The following NCOR2 variants were observed in gnomAD, a reference collection of about 807,000 sequenced individuals.
The protein encoded by NCOR2 is nuclear receptor corepressor 2.
Under a neutral mutation model 262.9 loss-of-function variants are expected in NCOR2, and 81 were observed. The ratio of observed to expected loss-of-function variants is 0.31; its 90% CI spans 0.26 to 0.37. The LOEUF (loss-of-function observed/expected upper bound fraction) is 0.37, where lower values mean the gene tolerates loss of function less well. NCOR2 is among the 10% of genes least tolerant of loss of function. The pLI is 1.00. For synonymous variants in NCOR2, 1,659 were observed against 1,559.3 expected, an observed-to-expected ratio of 1.06 and a Z score of -1.51; for missense variants, 3,385 against 3,621.4, an observed-to-expected ratio of 0.93 and a Z score of 1.68.
chr12:124,356,565 C>T (rs774960529), intron 23 of NCOR2, 77 bp downstream of exon 25: 68 of 1,256,688 alleles, frequency 5.4e-5, no homozygotes, highest in African/African-American at 7.7e-5. Flanking sequence ...CTGTGTGCAG[C>T]TCTGAGCCAG....
chr12:124,348,635 G>T (rs1468808888), intron 28 of NCOR2: 1 of 410,476 alleles, frequency 2.4e-6, no homozygotes, highest in African/African-American at 2.1e-5. Context: ...ACGTGAGTCT[G>T]TGTCCACACC....
At chr12:124,535,211 G>A (rs549157280) in intron 1 of NCOR2, among the ~76,000 whole-genome samples, 11 of 152,278 alleles carry the variant, frequency 7.2e-5, no homozygotes, top group African/African-American at 2.4e-4. Context: ...CCAAACCTGC[G>A]GGCCCACCGC....
At chr12:124,513,263 AG>A (rs1356824466) in intron 1 of NCOR2, 3 of 152,254 alleles carry the variant, frequency 2.0e-5, no homozygotes, top group African/African-American at 7.2e-5. Context: ...ACGACTCCGG[AG>A]GAAGAGGGCA....
At chr12:124,526,601 T>C (rs1040608670) in intron 1 of NCOR2, among the ~76,000 whole-genome samples, 60 of 152,244 alleles carry the variant, frequency 3.9e-4, no homozygotes, top group Middle Eastern at 3.4e-3. Context: ...GCCCAGCACA[T>C]GCTCAGGTCC....
chr12:124,333,116 G>A lies in NCOR2; in HGVS notation c.6755+14C>T, dbSNP rs776138965. The A allele has an allele frequency of 1.9e-6, 3 of 1,592,530 alleles. No homozygotes were observed. The highest frequency in any genetic ancestry group is 1.3e-5 in the African/African-American group (1 of 74,508). On this transcript the variant is annotated intron_variant, in intron 42 of 46. Coordinates refer to ENST00000405201, the Ensembl canonical transcript of NCOR2. Reference sequence around the variant, plus strand: ...AGAGCATCCCGGGGGCAGCGCATGTGCCCACAGAAGTACCTGGGCTCCGTC... The same window carrying A: ...AGAGCATCCCGGGGGCAGCGCATGTACCCACAGAAGTACCTGGGCTCCGTC...
chr12:124,454,717 TTTTC>T lies in NCOR2; in HGVS notation c.762+2385_762+2388del, dbSNP rs1296793649. Reference sequence around the variant, plus strand: ...TGGAGATGTAAAATGGTACGGCCACTTTTCGGCCACTTTGGAAAACAGTTGGGCA... The same window carrying T: ...TGGAGATGTAAAATGGTACGGCCACTGGCCACTTTGGAAAACAGTTGGGCA... On this transcript the variant is annotated intron_variant, in intron 6 of 46. Transcript: ENST00000405201. This position sits in a 1 kb window ranked among gnomAD's most constrained non-coding sequence, Gnocchi z 5.6. Among the ~76,000 whole-genome samples the T allele has an allele frequency of 0.011, 10 of 924 alleles. No homozygotes were observed. The highest frequency in any genetic ancestry group is 0.013 in the African/African-American group (7 of 520). The allele number at this position is 924 out of a possible 152,430, so 0.6% of individuals were successfully genotyped here.
At chr12:124,492,544 G>A (rs1318177764) in intron 1 of NCOR2, among the ~76,000 whole-genome samples, 3 of 152,144 alleles carry the variant, frequency 2.0e-5, no homozygotes, top group Non-Finnish European at 1.5e-5. Flanking sequence ...AGGTCACTGA[G>A]GCATCCCGTG....
In NCOR2 at chr12:124,503,768, A is replaced by G. The variant is rs1449773821; in HGVS notation, c.-117-8400T>C. On this transcript the variant is annotated intron_variant, in intron 1 of 46. Coordinates refer to the NCOR2 transcript ENST00000404621. This position sits in a 1 kb window ranked among gnomAD's most constrained non-coding sequence, Gnocchi z 4.3. Reference sequence around the variant, plus strand: ...GATGCATGGATGCATGGATGGATGGATGGATGGATGGGCGGATGGATGCAC... The same window carrying G: ...GATGCATGGATGCATGGATGGATGGGTGGATGGATGGGCGGATGGATGCAC... Among the ~76,000 whole-genome samples the G allele has an allele frequency of 6.6e-6, 1 of 152,092 alleles. No homozygotes were observed. The highest frequency in any genetic ancestry group is 1.5e-5 in the Non-Finnish European group (1 of 68,012).
At chr12:124,328,646 G>GC (rs1435461198) in intron 44 of NCOR2, 1 of 153,544 alleles carries the variant, frequency 6.5e-6, no homozygotes, top group Non-Finnish European at 1.4e-5. Flanking sequence ...CCCCAGTGAA[G>GC]CCCCATTCCA....
intron 8 of NCOR2, 142 bp from the exon 11 acceptor site, chr12:124,430,929 GATACAGCCACACAGACACATAC>G (rs1370914771): frequency 1.0e-6 from 1 of 962,456 alleles, no homozygotes; most frequent in Admixed American, 2.9e-5. Context: ...TATACAGTCA[GATACAGCCACACAGACACATAC>G]ATACAGGCAC....
rs905484738 is a variant in NCOR2 at position 124,344,578 on chromosome 12, C to T, written c.4714+19G>A. 4.2e-6 allele frequency: 6 copies of T among 1,440,702 alleles called. No individual in the cohort carries two copies. The highest frequency in any genetic ancestry group is 2.5e-5 in the East Asian group (1 of 39,614). The allele number at this position is 1,440,702 out of a possible 1,614,324, so 89.2% of individuals were successfully genotyped here. Reference sequence around the variant, plus strand: ...AGACAGGCGCCCACCCCACTCACGCCCATGCACACCCCACTCACCCTCCTG... The same window carrying T: ...AGACAGGCGCCCACCCCACTCACGCTCATGCACACCCCACTCACCCTCCTG... On this transcript the variant is annotated intron_variant, in intron 32 of 46. Transcript: ENST00000405201.
chr12:124,430,002 G>A (rs1199034503), intron 9 of NCOR2, among the ~76,000 whole-genome samples: 1 of 152,210 alleles, frequency 6.6e-6, no homozygotes, highest in Non-Finnish European at 1.5e-5. Context: ...CTTTGGCCCT[G>A]GGCCGAAGTG....
intron 28 of NCOR2, among the ~76,000 whole-genome samples, chr12:124,349,495 A>T (rs112387669): frequency 6.6e-6 from 1 of 152,140 alleles, no homozygotes; most frequent in East Asian, 1.9e-4. Context: ...GATTTCAGAT[A>T]AAAACGGAGA....
intron 21 of NCOR2, among the ~76,000 whole-genome samples, chr12:124,363,477 G>A (rs958246766): frequency 2.0e-5 from 3 of 152,256 alleles, no homozygotes; most frequent in African/African-American, 7.2e-5. Flanking sequence ...GCCAGTTCCC[G>A]CCTTCACTGG....
intron 1 of NCOR2, among the ~76,000 whole-genome samples, chr12:124,511,703 A>T (rs1474511959): frequency 6.6e-6 from 1 of 151,774 alleles, no homozygotes; most frequent in Non-Finnish European, 1.5e-5. Flanking sequence ...GAAAGTCCAG[A>T]CTCCCCGAAT....
Position 124,378,092 on chromosome 12 carries a change from C to T in NCOR2, c.2167+145G>A, listed in dbSNP as rs573602198. The T allele has an allele frequency of 3.0e-5, 44 of 1,481,268 alleles. No homozygotes were observed. The highest frequency in any genetic ancestry group is 3.7e-5 in the Non-Finnish European group (41 of 1,115,358). The allele number at this position is 1,481,268 out of a possible 1,614,324, so 91.8% of individuals were successfully genotyped here. Reference sequence around the variant, plus strand: ...GTGAGTTTCTGGCAAGTCAGGCCCGCACCTTCCAGGGAGTCGAGGCCCCTT... The same window carrying T: ...GTGAGTTTCTGGCAAGTCAGGCCCGTACCTTCCAGGGAGTCGAGGCCCCTT... On this transcript the variant is annotated intron_variant, in intron 18 of 46. Transcript: ENST00000405201. The surrounding 1 kb of genome is among the most constrained non-coding windows in gnomAD (Gnocchi z 4.2).
At chr12:124,409,510 C>G (rs2042450352) in intron 13 of NCOR2, among the ~76,000 whole-genome samples, 1 of 152,238 alleles carries the variant, frequency 6.6e-6, no homozygotes, top group African/African-American at 2.4e-5. Flanking sequence ...CCTCCTGACC[C>G]TGGCTTACAT....
chr12:124,397,122 A>G (rs2041727811), intron 16 of NCOR2, among the ~76,000 whole-genome samples: 2 of 152,284 alleles, frequency 1.3e-5, no homozygotes, highest in South Asian at 4.1e-4. Context: ...GGACAGGAGC[A>G]GGCCCCACCT....
intron 6 of NCOR2, among the ~76,000 whole-genome samples, chr12:124,456,291 C>T (rs2045851006): frequency 6.6e-6 from 1 of 152,210 alleles, no homozygotes; most frequent in African/African-American, 2.4e-5. Context: ...ACCTTCAGTG[C>T]CCACCACGGC....
Sources: gnomAD v4.1 joint callset for allele counts (sites outside exome capture counted in the v4.1 genomes callset) on GRCh38, gnomAD v4.1.1 for gene constraint, Gnocchi (gnomAD v3.1) non-coding constraint, MANE v1.5 for transcripts, NCBI Gene and HGNC (gene_info 2026-07-23, HGNC 2026-07-21) for gene names.